Variants in CDA observed in about 807,000 individuals in gnomAD.
The protein encoded by CDA is cytidine aminohydrolase.
CDA carries 7 observed loss-of-function variants against 15.0 expected under a neutral mutation model. The ratio of observed to expected loss-of-function variants is 0.47; its 90% CI spans 0.26 to 0.87. The LOEUF is 0.87. Among genes scored for constraint, CDA ranks in the 40% least tolerant of loss-of-function variants. The pLI, the probability that CDA is intolerant of heterozygous loss-of-function variation, is 0.15. For synonymous variants in CDA, 58 were observed against 73.0 expected, an observed-to-expected ratio of 0.79 and a Z score of 1.05; for missense variants, 159 against 182.7, an observed-to-expected ratio of 0.87 and a Z score of 0.75.
At chr1:20,594,598 G>C (rs946619774) in intron 1 of CDA, among the ~76,000 whole-genome samples, 1 of 151,934 alleles carries the variant, frequency 6.6e-6, no homozygotes, top group African/African-American at 2.4e-5. Context: ...GACCAGCCTG[G>C]CCAACATGGT....
At chr1:20,611,688 T>C (rs990276705) in intron 2 of CDA, among the ~76,000 whole-genome samples, 6 of 152,162 alleles carry the variant, frequency 3.9e-5, no homozygotes, top group African/African-American at 1.2e-4. Context: ...CAAAGCCGCC[T>C]GTTTTAGGGA....
At chr1:20,601,545 T>C (rs941992131) in intron 1 of CDA, among the ~76,000 whole-genome samples, 1 of 152,198 alleles carries the variant, frequency 6.6e-6, no homozygotes. Flanking sequence ...TCTAACACCA[T>C]ACAGCCATCC....
intron 1 of CDA, among the ~76,000 whole-genome samples, chr1:20,602,964 C>T (rs1271281875): frequency 6.6e-6 from 1 of 152,212 alleles, no homozygotes; most frequent in Non-Finnish European, 1.5e-5. Context: ...AAACAACAGG[C>T]TGTGTGGGCA....
rs139396455 is a variant in CDA, at chr1:20,616,850, TA to T, written c.325-1596del. 4.6e-3 allele frequency among the ~76,000 whole-genome samples: 697 copies of T among 152,266 alleles called. 6 individuals carry two copies. The highest frequency in any genetic ancestry group is 0.016 in the African/African-American group (663 of 41,534). On this transcript the variant is annotated intron_variant, in intron 3 of 3. Coordinates refer to ENST00000375071, the MANE Select transcript of CDA (RefSeq NM_001785.3). Reference sequence around the variant, plus strand: ...ATTTCCTTCCTTAAAACATTAATTCTAAAAAAGCCAGAAGATTGAGTGTGCC... The same window carrying T: ...ATTTCCTTCCTTAAAACATTAATTCTAAAAAGCCAGAAGATTGAGTGTGCC...
chr1:20,604,376 G>A (rs946338223), intron 1 of CDA, among the ~76,000 whole-genome samples: 1 of 152,132 alleles, frequency 6.6e-6, no homozygotes, highest in Non-Finnish European at 1.5e-5. Flanking sequence ...CGGCAGATGG[G>A]GCAAGGCAGT....
chr1:20,599,617 C>CAAAATAAAAT (rs57315099), intron 1 of CDA, among the ~76,000 whole-genome samples: 2,086 of 107,896 alleles, frequency 0.019, 100 homozygotes, highest in Admixed American at 0.025. Flanking sequence ...ACTCCGTCTC[C>CAAAATAAAAT]AAAATAAAAT....
At chr1:20,597,891 T>G in intron 1 of CDA, among the ~76,000 whole-genome samples, 1 of 120,210 alleles carries the variant, frequency 8.3e-6, no homozygotes, top group Non-Finnish European at 1.8e-5. Context: ...TTTTTTTATT[T>G]GCCTTTTTTT....
intron 3 of CDA, among the ~76,000 whole-genome samples, chr1:20,615,023 G>T (rs6679821): frequency 0.11 from 17,172 of 151,918 alleles, 1,081 homozygotes; most frequent in East Asian, 0.18. Flanking sequence ...TACCATGCCC[G>T]GCTAATTTTT....
At chr1:20,604,727 T>C (rs1270181885) in intron 1 of CDA, among the ~76,000 whole-genome samples, 1 of 152,094 alleles carries the variant, frequency 6.6e-6, no homozygotes, top group Non-Finnish European at 1.5e-5. Flanking sequence ...CAGTGCCAGG[T>C]TCTTGGGAAG....
At chr1:20,599,831 C>A (rs977364481) in intron 1 of CDA, among the ~76,000 whole-genome samples, 1 of 152,084 alleles carries the variant, frequency 6.6e-6, no homozygotes, top group African/African-American at 2.4e-5. Context: ...TCCTCTGTGC[C>A]AGGCTTTGTG....
chr1:20,608,393 A>AGTTTT (rs78313074), intron 2 of CDA, among the ~76,000 whole-genome samples: 17,306 of 104,920 alleles, frequency 0.16, 1,111 homozygotes, highest in Non-Finnish European at 0.19. Flanking sequence ...ACTATTATAT[A>AGTTTT]GTTTTGTTTT....
rs545308839 is a variant in CDA, at chr1:20,613,623, C to A, written c.267-219C>A. Among the ~76,000 whole-genome samples the A allele has an allele frequency of 3.9e-5, 6 of 152,326 alleles. No individual in the cohort carries two copies. The South Asian group carries it at 1.2e-3, about 32-fold the overall frequency. On this transcript the variant is annotated intron_variant, in intron 2 of 3. Coordinates refer to ENST00000375071, the MANE Select transcript of CDA (RefSeq NM_001785.3). Reference sequence around the variant, plus strand: ...GTGCTCAGTAAACGTTTATGGATGGCACTAATGAAAGTCCTGCCCATGGCC... The same window carrying A: ...GTGCTCAGTAAACGTTTATGGATGGAACTAATGAAAGTCCTGCCCATGGCC...
At chr1:20,595,330 C>A (rs2052583229) in intron 1 of CDA, among the ~76,000 whole-genome samples, 1 of 140,036 alleles carries the variant, frequency 7.1e-6, no homozygotes, top group African/African-American at 2.5e-5. Flanking sequence ...AAATCTGAGT[C>A]TTCCATTTTC....
rs560904809 is a variant in CDA, at chr1:20,610,025, C to T, written c.267-3817C>T. ...CTTTATTCTAATCATAATATCATCC[C>T]TATCTCCACTTGACGCATGGTTGGT... On this transcript the variant is annotated intron_variant, in intron 2 of 3. Transcript: ENST00000375071. Among the ~76,000 whole-genome samples the T allele has an allele frequency of 3.2e-5, 4 of 125,986 alleles. 1 individual carries two copies. In the East Asian group the frequency reaches 8.7e-4, roughly 28 times the overall value. The allele number at this position is 125,986 out of a possible 152,430, so 82.7% of individuals were successfully genotyped here. A position where few individuals can be genotyped will look rare whatever the true frequency, so the allele number is the denominator to read the frequency against.
chr1:20,595,822 G>GCAA (rs1305493872), intron 1 of CDA, among the ~76,000 whole-genome samples: 1 of 132,680 alleles, frequency 7.5e-6, no homozygotes, highest in Non-Finnish European at 1.5e-5. Context: ...CCCAGCCCGG[G>GCAA]CAACAGAGCA....
chr1:20,603,939 T>A (rs2052670358), intron 1 of CDA, among the ~76,000 whole-genome samples: 1 of 152,210 alleles, frequency 6.6e-6, no homozygotes, highest in South Asian at 2.1e-4. Flanking sequence ...ACTCCCTTAC[T>A]GAGAGCTGGG....
rs993905750 is a variant in CDA, at chr1:20,613,881, C to G, written c.306C>G (p.Cys102Trp). The G allele has an allele frequency of 8.1e-6, 13 of 1,613,832 alleles. No individual in the cohort carries two copies. The African/African-American group carries it at 1.7e-4, about 22-fold the overall frequency. Residue 102 changes from cysteine (C) to tryptophan (W), a missense_variant, in exon 3 of 4, where the codon TGC (cysteine) becomes TGG (tryptophan). Cys to Trp is a radical substitution (Grantham distance 215, BLOSUM62 -2). Transcript: ENST00000375071. ...QDDFISPCGACRQVMREFGTN... is the reference protein window; with the variant it reads ...QDDFISPCGAWRQVMREFGTN... The stretch of plus-strand genomic sequence containing the variant: ...ATTTTATCTCTCCATGTGGGGCCTG[C>G]AGGCAAGTCATGAGAGAGGTAAGCA...
rs555323847 is a variant in CDA at position 20,612,867 on chromosome 1, C to T, written c.267-975C>T. ...TTGAGGCAGGAGAATCGCTTGAACC[C>T]GGGAGGCGGAGGTTTCAGTGAGCCA... On this transcript the variant is annotated intron_variant, in intron 2 of 3. Transcript: ENST00000375071. Among the ~76,000 whole-genome samples the T allele has an allele frequency of 1.1e-4, 16 of 145,734 alleles. No individual in the cohort carries two copies. In the East Asian group the frequency reaches 2.3e-3, roughly 21 times the overall value.
At chr1:20,607,400 G>T (rs580032) in intron 2 of CDA, among the ~76,000 whole-genome samples, 135,699 of 152,180 alleles carry the variant, frequency 0.89, 60,908 homozygotes, top group Middle Eastern at 0.96. Flanking sequence ...GAGGAATAAA[G>T]GACGCTGTGC....
Sources: gnomAD v4.1 joint callset for allele counts (sites outside exome capture counted in the v4.1 genomes callset) on GRCh38, gnomAD v4.1.1 for gene constraint, MANE v1.5 for transcripts, NCBI Gene and HGNC (gene_info 2026-07-23, HGNC 2026-07-21) for gene names.